APTX: variants seen among roughly 807,000 people sequenced by gnomAD.
APTX encodes forkhead-associated domain histidine triad-like protein.
APTX carries 33 observed loss-of-function variants against 42.3 expected under a neutral mutation model. The observed-to-expected ratio is 0.78, with a 90% confidence interval of 0.59 to 1.04. The LOEUF (loss-of-function observed/expected upper bound fraction) is 1.04. Ranked by LOEUF, APTX falls within the 50% of genes least tolerant of loss-of-function variation. The probability of loss-of-function intolerance (pLI) is 0.00; values close to 1 mark genes in which losing one functional copy is unlikely to be tolerated. For missense variants in APTX, 421 were observed against 415.1 expected, an observed-to-expected ratio of 1.01 and a Z score of -0.12; for synonymous variants, 130 against 146.7, an observed-to-expected ratio of 0.89 and a Z score of 0.82.
chr9:33,000,625 C>CAAAA (rs60760701), intron 1 of APTX, among the ~76,000 whole-genome samples: 125 of 63,376 alleles, frequency 2.0e-3, no homozygotes, highest in African/African-American at 4.7e-3. Context: ...GACTCTGTCT[C>CAAAA]AAAAAAAAAA....
chr9:33,000,155 C>T lies in APTX; in HGVS notation c.-5+1412G>A, dbSNP rs1835919752. On this transcript the variant is annotated intron_variant, in intron 1 of 7. Coordinates refer to ENST00000379817, the MANE Select transcript of APTX (RefSeq NM_001195248.2). ...TATTTAACCTCTCCAAGCCTTCATTCCCTCAAGTGTCAAGCGGTATTAACA... is the reference window on the plus strand; with the variant it reads ...TATTTAACCTCTCCAAGCCTTCATTTCCTCAAGTGTCAAGCGGTATTAACA... Among the ~76,000 whole-genome samples the T allele has an allele frequency of 2.6e-5, 4 of 152,228 alleles. No individual in the cohort carries two copies. The South Asian group carries it at 8.3e-4, about 32-fold the overall frequency.
chr9:33,003,876 C>T (rs145895712), upstream of APTX, among the ~76,000 whole-genome samples: 64 of 152,334 alleles, frequency 4.2e-4, no homozygotes, highest in African/African-American at 1.4e-3. Context: ...ATTGCATGTA[C>T]ACACCATACT....
At chr9:32,991,169 G>A (rs1434813696) in intron 1 of APTX, among the ~76,000 whole-genome samples, 4 of 152,134 alleles carry the variant, frequency 2.6e-5, no homozygotes, top group Middle Eastern at 6.8e-3. Context: ...CAGGTGATCC[G>A]CCTGCCTCGG....
At chr9:33,018,942 A>G (rs1838135706) in intron 1 of APTX, among the ~76,000 whole-genome samples, 1 of 152,202 alleles carries the variant, frequency 6.6e-6, no homozygotes, top group South Asian at 2.1e-4. Flanking sequence ...AGTCTGAGAA[A>G]CTGTCACAGT....
intron 1 of APTX, among the ~76,000 whole-genome samples, chr9:32,990,543 G>T (rs1833355939): frequency 6.6e-6 from 1 of 152,166 alleles, no homozygotes; most frequent in Non-Finnish European, 1.5e-5. Flanking sequence ...ATAAAACAGG[G>T]ACATTGTCCC....
intron 6 of APTX, among the ~76,000 whole-genome samples, chr9:32,983,697 A>G (rs1460210226): frequency 3.3e-5 from 5 of 152,234 alleles, no homozygotes; most frequent in African/African-American, 1.2e-4. Flanking sequence ...TAAGACTTGA[A>G]GACATTATGT....
rs112130007 is a variant in APTX, at chr9:32,974,094, A to T, written c.874+364T>A. On this transcript the variant is annotated intron_variant, in intron 7 of 7. Transcript: ENST00000379817. ...TCCCCCTGCTAATTCACCACTCCTG[A>T]CAGGAGGCAGCCCCAAAGCTCCCAC... Among the ~76,000 whole-genome samples, 824 of 152,230 alleles carry T rather than the reference A, an allele frequency of 5.4e-3. 8 individuals are homozygous for T. Among genetic ancestry groups the T allele is most frequent in the African/African-American group, 0.019 (797 of 41,536 alleles).
intron 1 of APTX, among the ~76,000 whole-genome samples, chr9:33,021,175 T>C (rs1838351526): frequency 7.2e-6 from 1 of 139,114 alleles, no homozygotes; most frequent in African/African-American, 2.6e-5. Context: ...TGAAATAAAA[T>C]ATAATGGTAA....
intron 6 of APTX, among the ~76,000 whole-genome samples, chr9:32,984,294 T>C (rs986068277): frequency 2.6e-5 from 4 of 152,360 alleles, no homozygotes; most frequent in East Asian, 3.9e-4. Context: ...TCTGGGGTTA[T>C]AGACGCTTTT....
Position 33,001,551 on chromosome 9 carries a change from C to A in APTX, c.-5+16G>T, listed in dbSNP as rs145658621. 1,576 of 1,613,774 alleles carry A rather than the reference C, an allele frequency of 9.8e-4. 13 individuals carry two copies. In the African/African-American group the frequency reaches 0.018, roughly 18 times the overall value. ...GAGCCCAGCCAGCAGAAGAGATAGG[C>A]TGACGACCGCCTTACCTCCAGAAGT... is the stretch of plus-strand genomic sequence containing the variant. On this transcript the variant is annotated intron_variant, in intron 1 of 7. Coordinates refer to ENST00000379817, the MANE Select transcript of APTX (RefSeq NM_001195248.2).
intron 1 of APTX, among the ~76,000 whole-genome samples, chr9:33,017,306 A>G (rs965754286): frequency 6.6e-6 from 1 of 152,222 alleles, no homozygotes; most frequent in African/African-American, 2.4e-5. Flanking sequence ...CTGCTATAAC[A>G]TGCCATTAAC....
At chr9:33,008,752 A>T (rs866486604) in intron 1 of APTX, among the ~76,000 whole-genome samples, 20 of 152,044 alleles carry the variant, frequency 1.3e-4, no homozygotes, top group African/African-American at 4.8e-4. Context: ...GGGTTTTGCC[A>T]TGTTGGCAAG....
At chr9:33,024,261 C>T (rs1367007159) in intron 1 of APTX, among the ~76,000 whole-genome samples, 1 of 152,240 alleles carries the variant, frequency 6.6e-6, no homozygotes, top group Non-Finnish European at 1.5e-5. Flanking sequence ...AATCAGCCCA[C>T]GCTGGCGTCC....
At chr9:33,012,424 T>C (rs1044512913) in intron 1 of APTX, among the ~76,000 whole-genome samples, 15 of 152,314 alleles carry the variant, frequency 9.8e-5, no homozygotes, top group East Asian at 5.8e-4. Flanking sequence ...CCCTTCCACA[T>C]TGACTGGACT....
chr9:32,984,909 T>C (rs543606168), intron 5 of APTX, 52 bp from the exon 6 acceptor site: 2 of 1,499,786 alleles, frequency 1.3e-6, no homozygotes, highest in Admixed American at 3.4e-5. Context: ...GAATCTTCTG[T>C]GTGCCTGGTT....
At chr9:33,024,843 AGAAGAG>A (rs1838725565) in intron 1 of APTX, 1 of 108,762 alleles carries the variant, frequency 9.2e-6, no homozygotes, top group African/African-American at 3.7e-5. Flanking sequence ...TCCCAAAAAG[AGAAGAG>A]GCGCCCGTAA....
Position 32,973,259 on chromosome 9 carries a change from T to G in APTX, c.*239A>C, listed in dbSNP as rs1420592729. On this transcript the variant is annotated 3_prime_UTR_variant, in exon 8 of 8. Coordinates refer to ENST00000379817, the MANE Select transcript of APTX (RefSeq NM_001195248.2). ...CTGACATGGGTCCTTCTGAAGATGG[T>G]GGGTCAGGTATATCCCAGCCACCCT... is the stretch of plus-strand genomic sequence containing the variant. The G allele has an allele frequency of 1.6e-6, 1 of 613,850 alleles. No homozygotes were observed. Among genetic ancestry groups the G allele is most frequent in the Admixed American group, 2.1e-5 (1 of 47,204 alleles). The allele number at this position is 613,850 out of a possible 1,614,324, so 38.0% of individuals were successfully genotyped here.
chr9:32,996,278 C>T lies in APTX; in HGVS notation c.-5+5289G>A, dbSNP rs370540303. 5.7e-3 allele frequency among the ~76,000 whole-genome samples: 812 copies of T among 142,914 alleles called. 1 individual carries two copies. Among genetic ancestry groups the T allele is most frequent in the Non-Finnish European group, 9.6e-3 (637 of 66,200 alleles). 93.8% of individuals were successfully genotyped at this position (142,914 alleles called of 152,430 possible). ...AACAGCATCTCCCAAATAAATCGCT[C>T]TTTTTTTTTTTTTTCTGAGACAGGG... On this transcript the variant is annotated intron_variant, in intron 1 of 7. Transcript: ENST00000379817.
At chr9:33,001,330 T>TA in intron 1 of APTX, 1 of 1,523,306 alleles carries the variant, frequency 6.6e-7, no homozygotes, top group Non-Finnish European at 8.8e-7. Context: ...CCAAGGTACA[T>TA]ACAGGTGTCG....
Sources: allele counts gnomAD v4.1 joint callset (sites outside exome capture counted in the v4.1 genomes callset), GRCh38; gene constraint gnomAD v4.1.1; transcripts MANE v1.5; gene names NCBI Gene and HGNC (gene_info 2026-07-23, HGNC 2026-07-21).